The following TTL variants were observed in gnomAD, a reference collection of about 807,000 sequenced individuals.
TTL encodes tubulin--tyrosine ligase.
A neutral mutation model predicts 41.1 loss-of-function variants in TTL; 10 were observed. The ratio of observed to expected loss-of-function variants is 0.24; its 90% CI spans 0.15 to 0.41. TTL has a LOEUF of 0.41. Among genes scored for constraint, TTL ranks in the 10% least tolerant of loss-of-function variants. The pLI is 1.00. For synonymous variants in TTL, 175 were observed against 175.5 expected, an observed-to-expected ratio of 1.00 and a Z score of 0.02; for missense variants, 367 against 460.4, an observed-to-expected ratio of 0.80 and a Z score of 1.86.
intron 5 of TTL, among the ~76,000 whole-genome samples, chr2:112,512,505 G>A (rs894169166): frequency 2.6e-5 from 4 of 151,818 alleles, no homozygotes; most frequent in African/African-American, 7.3e-5. Context: ...CTCGTGATCC[G>A]TCCACCTCGG....
At position 112,531,645 on chromosome 2, in the gene TTL, A is replaced by AC. The variant is rs564145692; in HGVS notation, c.*2850_*2851insC. The AC allele has an allele frequency of 1.6e-3, 373 of 226,440 alleles. 2 individuals are homozygous for AC. Among genetic ancestry groups the AC allele is most frequent in the African/African-American group, 7.3e-3 (327 of 45,070 alleles). The allele number at this position is 226,440 out of a possible 1,614,324, so 14.0% of individuals were successfully genotyped here. A position where few individuals can be genotyped will look rare whatever the true frequency, so the allele number is the denominator to read the frequency against. On this transcript the variant is annotated 3_prime_UTR_variant, in exon 7 of 7. Transcript: ENST00000233336. ...GAACCATGCTTGAGAAGGAAGGACA[A>AC]ACACATTATTATCTTGGAAGAATTG... is the stretch of plus-strand genomic sequence containing the variant.
chr2:112,484,731 A>G (rs1195365922), intron 1 of TTL, among the ~76,000 whole-genome samples: 1 of 152,174 alleles, frequency 6.6e-6, no homozygotes, highest in Admixed American at 6.5e-5. Context: ...CCCTGTGGAT[A>G]AGAATGTAGG....
At chr2:112,520,150 A>AT in intron 5 of TTL, 132 bp from the exon 6 acceptor site, 7 of 979,060 alleles carry the variant, frequency 7.1e-6, no homozygotes, top group Non-Finnish European at 1.0e-5. Context: ...AAAAAAAAAA[A>AT]GGAAACAGAG....
Position 112,529,227 on chromosome 2 carries a change from C to A in TTL, c.*432C>A. The A allele has an allele frequency of 3.5e-6, 1 of 284,796 alleles. No homozygotes were observed. The highest frequency in any genetic ancestry group is 6.7e-6 in the Non-Finnish European group (1 of 149,028). 17.6% of individuals were successfully genotyped at this position (284,796 alleles called of 1,614,324 possible). The stretch of plus-strand genomic sequence containing the variant: ...GGTTGCCTGTGTGTTCCCCACCCAT[C>A]CCTTCGGTAACACTCTGCCACACTA... On this transcript the variant is annotated 3_prime_UTR_variant, in exon 7 of 7. Coordinates refer to ENST00000233336, the MANE Select transcript of TTL (RefSeq NM_153712.5).
Position 112,528,864 on chromosome 2 carries a change from A to T in TTL, c.*69A>T, listed in dbSNP as rs1242552750. 1.6e-6 allele frequency: 2 copies of T among 1,253,138 alleles called. No individual in the cohort carries two copies. The highest frequency in any genetic ancestry group is 2.9e-5 in the African/African-American group (2 of 68,022). The allele number at this position is 1,253,138 out of a possible 1,614,324, so 77.6% of individuals were successfully genotyped here. A position where few individuals can be genotyped will look rare whatever the true frequency, so the allele number is the denominator to read the frequency against. ...CTCCAGGGAATGGTGAAATGACTGG[A>T]TTGCTCTTTATCCAGCCCACAGCAG... On this transcript the variant is annotated 3_prime_UTR_variant, in exon 7 of 7. Coordinates refer to ENST00000233336, the MANE Select transcript of TTL (RefSeq NM_153712.5).
At chr2:112,519,818 C>G (rs1682170904) in intron 5 of TTL, among the ~76,000 whole-genome samples, 1 of 151,954 alleles carries the variant, frequency 6.6e-6, no homozygotes, top group Non-Finnish European at 1.5e-5. Flanking sequence ...CTTGAGTAAC[C>G]TAATGGTAAT....
At position 112,529,803 on chromosome 2, in the gene TTL, C is replaced by T. The variant is rs142276406; in HGVS notation, c.*1008C>T. On this transcript the variant is annotated 3_prime_UTR_variant, in exon 7 of 7. Coordinates refer to ENST00000233336, the MANE Select transcript of TTL (RefSeq NM_153712.5). ...GACAGGTTTCCTTCCAGGAAGGATTCGAGTTCCTGTGCCTGTGGGTATTAG... is the reference window on the plus strand; with the variant it reads ...GACAGGTTTCCTTCCAGGAAGGATTTGAGTTCCTGTGCCTGTGGGTATTAG... 1.1e-4 allele frequency: 25 copies of T among 221,016 alleles called. No homozygotes were observed. The highest frequency in any genetic ancestry group is 2.7e-4 in the East Asian group (4 of 15,012). 13.7% of individuals were successfully genotyped at this position (221,016 alleles called of 1,614,324 possible).
Position 112,520,440 on chromosome 2 carries a change from C to T in TTL, c.1019+15C>T, listed in dbSNP as rs1426484338. 1 of 1,610,522 alleles carries T rather than the reference C, an allele frequency of 6.2e-7. No homozygotes were observed. On this transcript the variant is annotated intron_variant, in intron 6 of 6. Coordinates refer to ENST00000233336, the MANE Select transcript of TTL (RefSeq NM_153712.5). ...GCATGTGCTCAGTAAGCCTGCACGT[C>T]ATTGTGTTTTTACAAGTGGGAAGTT...
chr2:112,526,978 G>A (rs1200966740), intron 6 of TTL, among the ~76,000 whole-genome samples: 1 of 152,148 alleles, frequency 6.6e-6, no homozygotes, highest in Non-Finnish European at 1.5e-5. Context: ...AGAGATTCTG[G>A]TATGTTGTGG....
At chr2:112,509,836 GCTC>G (rs1014874111) in intron 5 of TTL, among the ~76,000 whole-genome samples, 6 of 152,136 alleles carry the variant, frequency 3.9e-5, no homozygotes, top group African/African-American at 1.4e-4. Context: ...GGCCATCTTG[GCTC>G]CTCCTCCTGG....
intron 5 of TTL, among the ~76,000 whole-genome samples, chr2:112,503,702 G>T (rs2104460348): frequency 1.1e-5 from 1 of 91,054 alleles, no homozygotes; most frequent in African/African-American, 3.6e-5. Context: ...CTTTATCATA[G>T]ATTCAAAATT....
chr2:112,488,344 A>G (rs1160232711), intron 2 of TTL, among the ~76,000 whole-genome samples: 1 of 152,256 alleles, frequency 6.6e-6, no homozygotes, highest in Admixed American at 6.5e-5. Flanking sequence ...GGTTCTGTGC[A>G]GGAAATGAGG....
intron 5 of TTL, among the ~76,000 whole-genome samples, chr2:112,516,163 A>G (rs1319520536): frequency 1.3e-5 from 2 of 152,168 alleles, no homozygotes; most frequent in African/African-American, 4.8e-5. Flanking sequence ...ACATAACAGT[A>G]GTTTATCCTT....
At chr2:112,486,141 C>T (rs1326490872) in intron 2 of TTL, 146 bp downstream of exon 2, 18 of 748,278 alleles carry the variant, frequency 2.4e-5, no homozygotes, top group Admixed American at 1.1e-4. Context: ...GCTTTGGTTG[C>T]GGTCCAAAAC....
chr2:112,539,580 GAAAGCTCCAGTTGGGAGCTTTCTTCCC>G lies in TTL; in HGVS notation c.*10788_*10814del, dbSNP rs1328640211. The G allele has an allele frequency of 6.6e-6, 1 of 151,904 alleles. No homozygotes were observed. Among genetic ancestry groups the G allele is most frequent in the Non-Finnish European group, 1.5e-5 (1 of 67,978 alleles). 9.4% of individuals were successfully genotyped at this position (151,904 alleles called of 1,614,324 possible). On this transcript the variant is annotated 3_prime_UTR_variant, in exon 7 of 7. Coordinates refer to ENST00000233336, the MANE Select transcript of TTL (RefSeq NM_153712.5). ...GCCTACATCATATTAATGGTGATGT[GAAAGCTCCAGTTGGGAGCTTTCTTCCC>G]AATATCAGGCACAAAACAAGTATAT...
At chr2:112,518,884 A>C (rs1034816757) in intron 5 of TTL, among the ~76,000 whole-genome samples, 2 of 152,064 alleles carry the variant, frequency 1.3e-5, no homozygotes, top group African/African-American at 4.8e-5. Context: ...CATGTTGGTC[A>C]GGCTGCTCTC....
At chr2:112,490,982 T>C (rs1412118150) in intron 2 of TTL, among the ~76,000 whole-genome samples, 3 of 151,878 alleles carry the variant, frequency 2.0e-5, no homozygotes, top group Admixed American at 2.0e-4. Context: ...TTTTAAAATA[T>C]CTATACTATG....
chr2:112,492,459 G>A (rs1250440998), intron 2 of TTL, among the ~76,000 whole-genome samples: 2 of 151,296 alleles, frequency 1.3e-5, no homozygotes, highest in African/African-American at 2.4e-5. Context: ...GGCCGGGCGC[G>A]GTGGCTCACG....
intron 6 of TTL, among the ~76,000 whole-genome samples, chr2:112,524,445 C>T: frequency 6.6e-6 from 1 of 152,222 alleles, no homozygotes; most frequent in East Asian, 1.9e-4. Flanking sequence ...TCCACATCCT[C>T]TCCAGCACCT....
Sources: allele counts gnomAD v4.1 joint callset (sites outside exome capture counted in the v4.1 genomes callset), GRCh38; gene constraint gnomAD v4.1.1; transcripts MANE v1.5; gene names NCBI Gene and HGNC (gene_info 2026-07-23, HGNC 2026-07-21).